CYYR1: variants seen among roughly 807,000 people sequenced by gnomAD.
CYYR1 encodes the protein cysteine and tyrosine rich 1.
CYYR1 carries 14 observed loss-of-function variants against 15.2 expected under a neutral mutation model. The observed-to-expected ratio is 0.92, with a 90% confidence interval of 0.61 to 1.44. The LOEUF (loss-of-function observed/expected upper bound fraction) is 1.44, where lower values mean the gene tolerates loss of function less well. Ranked by LOEUF, CYYR1 falls within the 40% of genes most tolerant of loss-of-function variation. The pLI, the probability that CYYR1 is intolerant of heterozygous loss-of-function variation, is 0.00. For missense variants in CYYR1, 228 were observed against 209.5 expected (o/e 1.09, Z -0.54); for synonymous variants, 80 against 77.4 (o/e 1.03, Z -0.18).
At chr21:26,545,564 A>ATTTTTTTT (rs1555910241) in intron 2 of CYYR1, among the ~76,000 whole-genome samples, 2 of 73,858 alleles carry the variant, frequency 2.7e-5, no homozygotes, top group African/African-American at 8.8e-5. Context: ...TAAGATGCTT[A>ATTTTTTTT]TTCTTTTTTT....
At chr21:26,554,061 T>C (rs1003267213) in intron 2 of CYYR1, among the ~76,000 whole-genome samples, 2 of 152,202 alleles carry the variant, frequency 1.3e-5, no homozygotes, top group African/African-American at 4.8e-5. Flanking sequence ...GTGCTTTTTG[T>C]TCTTTTAAGT....
chr21:26,470,280 G>A (rs1457613022), intron 3 of CYYR1, among the ~76,000 whole-genome samples: 1 of 152,094 alleles, frequency 6.6e-6, no homozygotes, highest in African/African-American at 2.4e-5. Context: ...TTTCTAATAA[G>A]AATTTGACAG....
At chr21:26,480,193 T>G in intron 3 of CYYR1, 79 bp downstream of exon 3, 3 of 1,401,384 alleles carry the variant, frequency 2.1e-6, no homozygotes, top group Non-Finnish European at 2.9e-6. Context: ...ATTGACCATC[T>G]AGAATGTTTC....
intron 3 of CYYR1, among the ~76,000 whole-genome samples, chr21:26,473,240 T>TC (rs2065058429): frequency 6.6e-6 from 1 of 151,798 alleles, no homozygotes; most frequent in Non-Finnish European, 1.5e-5. Flanking sequence ...TCATCTACTC[T>TC]CCCCCAAACC....
intron 2 of CYYR1, among the ~76,000 whole-genome samples, chr21:26,496,918 T>C (rs2123462724): frequency 6.6e-6 from 1 of 152,280 alleles, no homozygotes; most frequent in Non-Finnish European, 1.5e-5. Context: ...ATTTATAACT[T>C]TTATTCAAAA....
chr21:26,482,645 T>A, intron 2 of CYYR1: 1 of 258,864 alleles, frequency 3.9e-6, no homozygotes, highest in Non-Finnish European at 6.0e-6. Context: ...GAAAATGACT[T>A]AATGCTTCAC....
intron 2 of CYYR1, chr21:26,564,910 T>C: frequency 1.4e-6 from 1 of 713,598 alleles, no homozygotes; most frequent in Non-Finnish European, 1.9e-6. Flanking sequence ...CGAAGTAATA[T>C]GCCACTGTAA....
At chr21:26,542,290 C>CGTGTGTGT (rs55725152) in intron 2 of CYYR1, among the ~76,000 whole-genome samples, 1,585 of 128,126 alleles carry the variant, frequency 0.012, 31 homozygotes, top group East Asian at 0.036. Context: ...TGTGTGTGTG[C>CGTGTGTGT]GTGTGTGTGT....
chr21:26,530,510 C>G (rs923250528), intron 2 of CYYR1, among the ~76,000 whole-genome samples: 1 of 151,764 alleles, frequency 6.6e-6, no homozygotes, highest in South Asian at 2.1e-4. Flanking sequence ...ATGTGCAGAA[C>G]GTGCAGGTTT....
At chr21:26,488,240 A>ACTTACTTCCTTC (rs1555904365) in intron 2 of CYYR1, among the ~76,000 whole-genome samples, 6,777 of 139,342 alleles carry the variant, frequency 0.049, 189 homozygotes, top group Non-Finnish European at 0.063. Flanking sequence ...ATCTTCCCCT[A>ACTTACTTCCTTC]CTTCCTTCCT....
At chr21:26,562,181 G>A (rs533864899) in intron 2 of CYYR1, among the ~76,000 whole-genome samples, 146 of 152,098 alleles carry the variant, frequency 9.6e-4, no homozygotes, top group Middle Eastern at 6.8e-3. Context: ...TTCTATCTTC[G>A]GGTAGTTGCC....
At chr21:26,474,408 CTTTTTTT>C (rs35912064) in intron 3 of CYYR1, among the ~76,000 whole-genome samples, 4 of 125,548 alleles carry the variant, frequency 3.2e-5, no homozygotes, top group Admixed American at 8.1e-5. Context: ...TACACCGTGC[CTTTTTTT>C]TTTTTTTTTT....
intron 2 of CYYR1, among the ~76,000 whole-genome samples, chr21:26,486,306 G>T (rs1471091259): frequency 6.6e-6 from 1 of 151,932 alleles, no homozygotes; most frequent in Non-Finnish European, 1.5e-5. Context: ...TTTATGGATT[G>T]TGCTTTGGGG....
chr21:26,493,101 C>T (rs219628), intron 2 of CYYR1, among the ~76,000 whole-genome samples: 123,261 of 152,016 alleles, frequency 0.81, 50,850 homozygotes, highest in Non-Finnish European at 0.88. Flanking sequence ...CATAGGAATG[C>T]AATATATCAT....
chr21:26,469,668 TA>T (rs2065010272), intron 3 of CYYR1, among the ~76,000 whole-genome samples: 1 of 152,106 alleles, frequency 6.6e-6, no homozygotes, highest in African/African-American at 2.4e-5. Flanking sequence ...TTTGAAACTA[TA>T]TATTATTGTT....
chr21:26,505,136 T>C (rs1238591196), intron 2 of CYYR1, among the ~76,000 whole-genome samples: 1 of 152,334 alleles, frequency 6.6e-6, no homozygotes, highest in Middle Eastern at 3.4e-3. Context: ...AATTAAAACA[T>C]AGCTCAGAGA....
intron 2 of CYYR1, among the ~76,000 whole-genome samples, chr21:26,523,433 C>G (rs2065826871): frequency 6.6e-6 from 1 of 152,166 alleles, no homozygotes; most frequent in Admixed American, 6.5e-5. Flanking sequence ...AAATACCAAT[C>G]AGATCATTCC....
At chr21:26,569,812 CATG>C (rs968722594) in intron 1 of CYYR1, among the ~76,000 whole-genome samples, 79 of 152,144 alleles carry the variant, frequency 5.2e-4, no homozygotes, top group African/African-American at 1.9e-3. Flanking sequence ...TTTATAAAGA[CATG>C]GTGTTATCAA....
intron 2 of CYYR1, among the ~76,000 whole-genome samples, chr21:26,525,048 T>C (rs142168304): frequency 7.7e-4 from 117 of 152,332 alleles, no homozygotes; most frequent in African/African-American, 2.7e-3. Flanking sequence ...ATGCCCTACA[T>C]GAAATCCTCA....
Sources: gnomAD v4.1 joint callset for allele counts (sites outside exome capture counted in the v4.1 genomes callset) on GRCh38, gnomAD v4.1.1 for gene constraint, MANE v1.5 for transcripts, NCBI Gene and HGNC (gene_info 2026-07-23, HGNC 2026-07-21) for gene names.